HK2: variants seen among roughly 807,000 people sequenced by gnomAD.
HK2 encodes hexokinase 2.
HK2 carries 42 observed loss-of-function variants against 92.9 expected under a neutral mutation model. That is an observed-to-expected ratio of 0.45 (90% CI 0.35 to 0.58). The LOEUF is 0.58. Ranked by LOEUF, HK2 falls within the 20% of genes least tolerant of loss-of-function variation. The pLI is 0.00. For synonymous variants in HK2, 422 were observed against 468.0 expected (o/e 0.90, Z 1.27); for missense variants, 978 against 1,245.1 (o/e 0.79, Z 3.23).
chr2:74,869,597 G>A (rs1323299622), intron 3 of HK2, among the ~76,000 whole-genome samples: 4 of 152,212 alleles, frequency 2.6e-5, no homozygotes, highest in Admixed American at 6.5e-5. Context: ...CTGAATGGCA[G>A]CCACTTTAAG....
At chr2:74,866,475 C>T (rs1324521362) in intron 2 of HK2, among the ~76,000 whole-genome samples, 2 of 152,190 alleles carry the variant, frequency 1.3e-5, no homozygotes, top group African/African-American at 2.4e-5. Flanking sequence ...TTGCCTGCTC[C>T]GCCAGCCCCT....
At chr2:74,885,885 C>CACACACACACACACACAG (rs58908262) in intron 13 of HK2, among the ~76,000 whole-genome samples, 1 of 148,420 alleles carries the variant, frequency 6.7e-6, no homozygotes, top group African/African-American at 2.5e-5. Flanking sequence ...CACACACACA[C>CACACACACACACACACAG]AGTAAAGGAA....
Position 74,874,221 on chromosome 2 carries a change from AG to A in HK2, c.692-41del, listed in dbSNP as rs761920439. 1.9e-6 allele frequency: 3 copies of A among 1,610,764 alleles called. No individual in the cohort carries two copies. In the Admixed American group the frequency reaches 5.0e-5, roughly 27 times the overall value. On this transcript the variant is annotated intron_variant, in intron 6 of 17. Transcript: ENST00000290573. ...AGTATAAGAGGGAAGAGGGGTGGGAAGGGGCCGGAGCAGGCGTGTGCATAGC... is the reference window on the plus strand; with the variant it reads ...AGTATAAGAGGGAAGAGGGGTGGGAAGGGCCGGAGCAGGCGTGTGCATAGC...
chr2:74,837,234 T>G (rs1228485598), intron 1 of HK2, among the ~76,000 whole-genome samples: 3 of 142,184 alleles, frequency 2.1e-5, no homozygotes, highest in African/African-American at 7.5e-5. Context: ...GAGCTGGGAA[T>G]CGAAGCCATG....
intron 12 of HK2, among the ~76,000 whole-genome samples, chr2:74,884,728 A>G (rs1689479477): frequency 6.6e-6 from 1 of 152,146 alleles, no homozygotes; most frequent in South Asian, 2.1e-4. Flanking sequence ...TTGGGTAAGG[A>G]GTCTGAAGCC....
Position 74,854,401 on chromosome 2 carries a change from A to C in HK2, c.172A>C (p.Thr58Pro). Residue 58 changes from threonine to proline, a missense_variant, in exon 2 of 18, where the codon ACT becomes CCT. Transcript: ENST00000290573. ...EKGLGATTHP[T>P]AAVKMLPTFV... ...AGGGCTTGGAGCCACCACTCACCCT[A>C]CTGCAGCAGTGAAGATGCTGCCCAC... 1 of 1,614,170 alleles carries C rather than the reference A, an allele frequency of 6.2e-7. No individual in the cohort carries two copies. The highest frequency in any genetic ancestry group is 8.5e-7 in the Non-Finnish European group (1 of 1,180,032).
chr2:74,853,590 G>A (rs534821980), intron 1 of HK2, among the ~76,000 whole-genome samples: 1 of 151,656 alleles, frequency 6.6e-6, no homozygotes, highest in Non-Finnish European at 1.5e-5. Context: ...GGTGGCACGT[G>A]CCTGAAAGTC....
At chr2:74,878,948 T>TG in intron 9 of HK2, 27 bp downstream of exon 9, 1 of 1,531,414 alleles carries the variant, frequency 6.5e-7, no homozygotes. Flanking sequence ...GGCCTGGAGA[T>TG]GCGGAGTTCC....
At chr2:74,875,021 G>A (rs770915380) in intron 7 of HK2, among the ~76,000 whole-genome samples, 16 of 152,192 alleles carry the variant, frequency 1.1e-4, no homozygotes, top group Non-Finnish European at 1.6e-4. Flanking sequence ...GAGGAGGGGC[G>A]TCTAGCATTT....
chr2:74,840,638 C>G (rs561241716), intron 1 of HK2, among the ~76,000 whole-genome samples: 60 of 149,484 alleles, frequency 4.0e-4, no homozygotes, highest in African/African-American at 1.5e-3. Context: ...GAGGCCAAGG[C>G]GGGCGGATCA....
chr2:74,882,060 A>T, intron 11 of HK2, 60 bp from the exon 12 acceptor site: 2 of 1,541,650 alleles, frequency 1.3e-6, no homozygotes, highest in Non-Finnish European at 1.8e-6. Context: ...CGCAGGCCCT[A>T]CTGGGGGCAG....
chr2:74,888,748 A>G (rs181285986), intron 16 of HK2, among the ~76,000 whole-genome samples: 20 of 152,288 alleles, frequency 1.3e-4, no homozygotes, highest in Admixed American at 1.3e-3. Flanking sequence ...AGCTTTCTTT[A>G]TATAGGAGGG....
chr2:74,877,758 T>C (rs1353435315), intron 8 of HK2, among the ~76,000 whole-genome samples: 2 of 152,222 alleles, frequency 1.3e-5, no homozygotes, highest in Non-Finnish European at 2.9e-5. Flanking sequence ...TGGCCAGAGA[T>C]ATAGCTACCC....
In HK2 at chr2:74,877,027, C is replaced by T. The variant is rs1257071233; in HGVS notation, c.876-139C>T. On this transcript the variant is annotated intron_variant, in intron 7 of 17. Coordinates refer to ENST00000290573, the MANE Select transcript of HK2 (RefSeq NM_000189.5). ...GCCCCTCTGAGCCGTCACCTCTCCA[C>T]GTATCTTACTCCTGGGCCGTGCTGC... is the stretch of plus-strand genomic sequence containing the variant. 8 of 1,138,860 alleles carry T rather than the reference C, an allele frequency of 7.0e-6. No individual in the cohort carries two copies. The East Asian group carries it at 7.1e-5, about 10-fold the overall frequency. The allele number at this position is 1,138,860 out of a possible 1,614,324, so 70.5% of individuals were successfully genotyped here.
Position 74,887,977 on chromosome 2 carries a change from G to T in HK2, c.2294G>T (p.Gly765Val), listed in dbSNP as rs1264600281. The change falls in exon 16 of 18, where the codon GGA (glycine) becomes GTA (valine). Residue 765 changes from glycine (G) to valine (V), a missense_variant. Gly to Val is a moderately radical substitution (Grantham distance 109). Coordinates refer to ENST00000290573, the MANE Select transcript of HK2 (RefSeq NM_000189.5). ...RNILIDFTKR[G>V]LLFRGRISER... ...ATTCTCATCGATTTCACCAAGCGTG[G>T]ACTACTCTTCCGAGGCCGCATCTCA... 6 of 1,613,968 alleles carry T rather than the reference G, an allele frequency of 3.7e-6. No individual in the cohort carries two copies. Among genetic ancestry groups the T allele is most frequent in the South Asian group, 1.1e-5 (1 of 91,072 alleles).
Position 74,834,672 on chromosome 2 carries a change from TGGGCTCTG to T in HK2, c.63+31_63+38del. On this transcript the variant is annotated intron_variant, in intron 1 of 17. Transcript: ENST00000290573. The surrounding 1 kb of genome is among the most constrained non-coding windows in gnomAD (Gnocchi z 4.2). ...AGTCAGCGCGGGCGGGGCGGCAGGC[TGGGCTCTG>T]GCAAAGTGGTCTGGCCTCCATCAGT... 6.2e-7 allele frequency: 1 copy of T among 1,612,876 alleles called. No homozygotes were observed. The highest frequency in any genetic ancestry group is 8.5e-7 in the Non-Finnish European group (1 of 1,178,876).
Position 74,886,671 on chromosome 2 carries a change from G to A in HK2, c.2217G>A (p.Gln739=). The change falls in exon 15 of 18, where the codon CAG becomes CAA. Residue 739 remains glutamine, a splice_region_variant and synonymous_variant. Transcript: ENST00000290573. ...AGCTTTCACTCAACCCCGGCAAGCA[G>A]AGGTAGGCACCCAACTGGGGCCCTG... ...VDELSLNPGK[Q]RFEKMISGMY... 1 of 1,613,928 alleles carries A rather than the reference G, an allele frequency of 6.2e-7. No homozygotes were observed. Among genetic ancestry groups the A allele is most frequent in the Non-Finnish European group, 8.5e-7 (1 of 1,179,970 alleles).
chr2:74,835,685 GGGGATT>G, intron 1 of HK2, among the ~76,000 whole-genome samples: 1 of 152,368 alleles, frequency 6.6e-6, no homozygotes, highest in Non-Finnish European at 1.5e-5. Flanking sequence ...CCCGGGATTA[GGGGATT>G]GGCTCCTGGC....
chr2:74,873,853 A>G lies in HK2; in HGVS notation c.601A>G (p.Ile201Val). Residue 201 changes from isoleucine (I) to valine (V), a missense_variant, in exon 6 of 18, where the codon ATC (isoleucine) becomes GTC (valine). By Grantham distance (29) the Ile-to-Val change is conservative. Coordinates refer to ENST00000290573, the MANE Select transcript of HK2 (RefSeq NM_000189.5). ...KAIQRRGDFD[I>V]DIVAVVNDTV... ...CCATTTGTCTCCACAGGACTTTGAT[A>G]TCGACATTGTGGCTGTGGTGAATGA... The G allele has an allele frequency of 6.2e-7, 1 of 1,613,668 alleles. No homozygotes were observed.
Sources: gnomAD v4.1 joint callset for allele counts (sites outside exome capture counted in the v4.1 genomes callset) on GRCh38, gnomAD v4.1.1 for gene constraint, Gnocchi (gnomAD v3.1) non-coding constraint, MANE v1.5 for transcripts, NCBI Gene and HGNC (gene_info 2026-07-23, HGNC 2026-07-21) for gene names.